PCDHGB2: variants seen among roughly 807,000 people sequenced by gnomAD.
PCDHGB2 encodes the protein protocadherin gamma subfamily B, 2.
In PCDHGB2, 55 loss-of-function variants were observed where a neutral mutation model predicts 59.3. The observed-to-expected ratio is 0.93, with a 90% CI of 0.75 to 1.16. The LOEUF is 1.16. PCDHGB2 is among the 50% of genes most tolerant of loss of function. PCDHGB2 has a pLI of 0.00. For missense variants in PCDHGB2, 1,228 were observed against 1,198.5 expected (o/e 1.02, Z -0.36); for synonymous variants, 516 against 512.0 (o/e 1.01, Z -0.11).
Position 141,361,738 on chromosome 5 carries a change from C to T in PCDHGB2, c.1603C>T (p.Arg535Cys), listed in dbSNP as rs1860251. ...LRAFELTLQA[R>C]DQGSPALSAN... ...CGCCTTCGAGCTCACACTGCAGGCC[C>T]GCGACCAGGGCTCGCCCGCGCTCAG... Residue 535 changes from arginine (R) to cysteine (C), a missense_variant, in exon 1 of 4, where the codon CGC becomes TGC. Transcript: ENST00000522605. 1.2e-6 allele frequency: 2 copies of T among 1,613,136 alleles called. No homozygotes were observed. The highest frequency in any genetic ancestry group is 1.7e-6 in the Non-Finnish European group (2 of 1,179,758).
rs186638311 is a variant in PCDHGB2, at chr5:141,492,901, T to C, written c.2422-1906T>C. 3.7e-3 allele frequency among the ~76,000 whole-genome samples: 568 copies of C among 152,326 alleles called. 5 individuals carry two copies. The highest frequency in any genetic ancestry group is 0.011 in the Admixed American group (163 of 15,308). On this transcript the variant is annotated intron_variant, in intron 1 of 3. Coordinates refer to ENST00000522605, the MANE Select transcript of PCDHGB2 (RefSeq NM_018923.3). ...GAGATACAGGCTTTTGGCGCCGTCG[T>C]GATCACAATGTGCCCAGCGATCTAG...
intron 1 of PCDHGB2, chr5:141,418,673 G>A (rs2096279740): frequency 5.0e-6 from 8 of 1,614,026 alleles, no homozygotes; most frequent in Non-Finnish European, 6.8e-6. Context: ...CCAGGACGAG[G>A]GCATCAACTC....
Position 141,485,182 on chromosome 5 carries a change from C to A in PCDHGB2, c.2422-9625C>A. 6.2e-7 allele frequency: 1 copy of A among 1,613,070 alleles called. No individual in the cohort carries two copies. The highest frequency in any genetic ancestry group is 8.5e-7 in the Non-Finnish European group (1 of 1,179,154). On this transcript the variant is annotated intron_variant, in intron 1 of 3. Coordinates refer to ENST00000522605, the MANE Select transcript of PCDHGB2 (RefSeq NM_018923.3). This position sits in a 1 kb window ranked among gnomAD's most constrained non-coding sequence, Gnocchi z 5.7. ...ATTAGCGGGCGGCAGCAATGCTCCG[C>A]AAGGTGAGAAGCTGGACAGAAATCT...
At chr5:141,483,224 G>A (rs530779494) in intron 1 of PCDHGB2, among the ~76,000 whole-genome samples, 17 of 152,242 alleles carry the variant, frequency 1.1e-4, no homozygotes, top group Middle Eastern at 3.4e-3. Flanking sequence ...AGTCACTGCA[G>A]AAATTTGAAC....
At chr5:141,415,445 A>G (rs1225407576) in intron 1 of PCDHGB2, 7 of 1,614,202 alleles carry the variant, frequency 4.3e-6, no homozygotes, top group South Asian at 1.1e-5. Flanking sequence ...CTGCAGACCT[A>G]TTCCCACGAG....
At position 141,388,702 on chromosome 5, in the gene PCDHGB2, T is replaced by G. The variant is rs201901866; in HGVS notation, c.2421+26146T>G. 3.2e-3 allele frequency: 5,096 copies of G among 1,613,936 alleles called. 17 individuals are homozygous for G. The highest frequency in any genetic ancestry group is 8.9e-3 in the Middle Eastern group (54 of 6,062). On this transcript the variant is annotated intron_variant, in intron 1 of 3. Coordinates refer to ENST00000522605, the MANE Select transcript of PCDHGB2 (RefSeq NM_018923.3). ...ACTGCCACGGACCAGGATGAGGGTG[T>G]CAATGCCGAGATTACTTTCTCTTTC...
intron 1 of PCDHGB2, chr5:141,379,270 GATTT>G (rs1013953164): frequency 5.3e-5 from 8 of 152,170 alleles, no homozygotes; most frequent in African/African-American, 7.2e-5. Context: ...AATTGTTATA[GATTT>G]ATTTATTTCA....
chr5:141,400,384 G>A (rs1335444355), intron 1 of PCDHGB2: 2 of 1,614,054 alleles, frequency 1.2e-6, no homozygotes, highest in South Asian at 1.1e-5. Flanking sequence ...CCTATGTGTT[G>A]CACATACAGG....
chr5:141,420,061 G>C, intron 1 of PCDHGB2: 1 of 1,614,076 alleles, frequency 6.2e-7, no homozygotes. Flanking sequence ...TCTGCTCCAA[G>C]TCCGGACCTG....
intron 1 of PCDHGB2, among the ~76,000 whole-genome samples, chr5:141,386,628 C>A (rs529516653): frequency 2.0e-5 from 3 of 151,780 alleles, no homozygotes; most frequent in Non-Finnish European, 4.4e-5. Flanking sequence ...CTCGCTCTGT[C>A]ACCCAGGCTG....
intron 1 of PCDHGB2, chr5:141,440,359 G>T (rs932656332): frequency 5.3e-5 from 8 of 152,106 alleles, no homozygotes; most frequent in Non-Finnish European, 1.2e-4. Context: ...CTAGCTACTC[G>T]GGGGGCCGAG....
chr5:141,472,998 G>GAA (rs2099311030), intron 1 of PCDHGB2, among the ~76,000 whole-genome samples: 1 of 134,744 alleles, frequency 7.4e-6, no homozygotes, highest in Non-Finnish European at 1.6e-5. Flanking sequence ...AAAAAAAAAA[G>GAA]AAAGAAAAAG....
Position 141,374,077 on chromosome 5 carries a change from G to A in PCDHGB2, c.2421+11521G>A, listed in dbSNP as rs530727064. 38 of 1,515,728 alleles carry A rather than the reference G, an allele frequency of 2.5e-5. No individual in the cohort carries two copies. The African/African-American group carries it at 3.6e-4, about 14-fold the overall frequency. 93.9% of individuals were successfully genotyped at this position (1,515,728 alleles called of 1,614,324 possible). A position where few individuals can be genotyped will look rare whatever the true frequency, so the allele number is the denominator to read the frequency against. ...TTAATCCCAGAGAAGTTCCTAATAA[G>A]CCAGTAATGGCGCCTCCGCAGAGGC... On this transcript the variant is annotated intron_variant, in intron 1 of 3. Coordinates refer to ENST00000522605, the MANE Select transcript of PCDHGB2 (RefSeq NM_018923.3).
intron 1 of PCDHGB2, chr5:141,403,468 C>G: frequency 6.2e-7 from 1 of 1,614,054 alleles, no homozygotes; most frequent in Non-Finnish European, 8.5e-7. Flanking sequence ...GCTACCAGCT[C>G]AGCCCCAATC....
intron 1 of PCDHGB2, chr5:141,415,752 T>C: frequency 7.3e-7 from 1 of 1,372,622 alleles, no homozygotes; most frequent in Non-Finnish European, 9.4e-7. Flanking sequence ...TTTTTTTTTT[T>C]TTTTTTTTTT....
chr5:141,415,293 C>G, intron 1 of PCDHGB2: 1 of 1,614,192 alleles, frequency 6.2e-7, no homozygotes, highest in Non-Finnish European at 8.5e-7. Flanking sequence ...CGGTCTCCTG[C>G]GTCTTCCTGG....
rs1176011355 is a variant in PCDHGB2 at position 141,485,491 on chromosome 5, G to A, written c.2422-9316G>A. The A allele has an allele frequency of 1.2e-6, 2 of 1,614,142 alleles. No individual in the cohort carries two copies. Among genetic ancestry groups the A allele is most frequent in the Non-Finnish European group, 1.7e-6 (2 of 1,180,040 alleles). On this transcript the variant is annotated intron_variant, in intron 1 of 3. Transcript: ENST00000522605. This position sits in a 1 kb window ranked among gnomAD's most constrained non-coding sequence, Gnocchi z 5.7. ...TCAGTGCCAGCTGCATCGTGCCCCT[G>A]GAGTTTGTCACCGAAGGTCCTTTGG...
chr5:141,509,199 GTC>G (rs1017134758), intron 3 of PCDHGB2, among the ~76,000 whole-genome samples: 1 of 152,070 alleles, frequency 6.6e-6, no homozygotes, highest in Non-Finnish European at 1.5e-5. Context: ...AATATTTCCT[GTC>G]TCTCTATTTC....
At chr5:141,391,203 T>C (rs77020243) in intron 1 of PCDHGB2, 3 of 152,214 alleles carry the variant, frequency 2.0e-5, no homozygotes, top group Non-Finnish European at 4.4e-5. Flanking sequence ...ATATACAAAA[T>C]ACCAAGGAAC....
Sources: gnomAD v4.1 joint callset for allele counts (sites outside exome capture counted in the v4.1 genomes callset) on GRCh38, gnomAD v4.1.1 for gene constraint, Gnocchi (gnomAD v3.1) non-coding constraint, MANE v1.5 for transcripts, NCBI Gene and HGNC (gene_info 2026-07-23, HGNC 2026-07-21) for gene names.